APP: variants seen among roughly 807,000 people sequenced by gnomAD.
APP encodes the protein amyloid-beta precursor protein.
In APP, 31 loss-of-function variants were observed where a neutral mutation model predicts 101.4. That is an observed-to-expected ratio of 0.31 (90% CI 0.23 to 0.41). The LOEUF (loss-of-function observed/expected upper bound fraction) is 0.41, where lower values mean the gene tolerates loss of function less well. Among genes scored for constraint, APP ranks in the 10% least tolerant of loss-of-function variants. APP has a pLI of 1.00. For missense variants in APP, 839 were observed against 1,003.7 expected (o/e 0.84, Z 2.22); for synonymous variants, 366 against 364.4 (o/e 1.00, Z -0.05).
intron 11 of APP, among the ~76,000 whole-genome samples, chr21:25,964,602 TTTTC>T (rs1235305024): frequency 1.4e-5 from 2 of 143,684 alleles, no homozygotes; most frequent in African/African-American, 5.1e-5. Context: ...ACCTTTTTTC[TTTTC>T]TTTTTTTTTT....
chr21:25,918,055 G>C (rs1282995790), intron 13 of APP, among the ~76,000 whole-genome samples: 2 of 152,328 alleles, frequency 1.3e-5, no homozygotes, highest in Non-Finnish European at 2.9e-5. Flanking sequence ...AGGATGCGGA[G>C]AAATAGGCAC....
intron 1 of APP, among the ~76,000 whole-genome samples, chr21:26,115,063 G>A (rs1352293930): frequency 6.6e-6 from 1 of 152,136 alleles, no homozygotes. Flanking sequence ...TTCAGTTCCT[G>A]TCAGGTTTTC....
At chr21:26,134,582 C>G (rs2062857938) in intron 1 of APP, among the ~76,000 whole-genome samples, 1 of 152,344 alleles carries the variant, frequency 6.6e-6, no homozygotes, top group Non-Finnish European at 1.5e-5. Flanking sequence ...ACATCCAACC[C>G]TCCAGGAACC....
intron 12 of APP, among the ~76,000 whole-genome samples, chr21:25,955,220 G>A (rs113985133): frequency 2.0e-5 from 3 of 152,030 alleles, no homozygotes; most frequent in Admixed American, 6.6e-5. Flanking sequence ...TTTGGGAACC[G>A]GGGAGTATAA....
At chr21:26,018,003 G>A (rs536498362) in intron 6 of APP, among the ~76,000 whole-genome samples, 71 of 152,198 alleles carry the variant, frequency 4.7e-4, no homozygotes, top group African/African-American at 1.5e-3. Flanking sequence ...GGAGTGCAGC[G>A]GATGTGCTTA....
At chr21:25,999,152 C>T (rs533127116) in intron 7 of APP, among the ~76,000 whole-genome samples, 12 of 152,058 alleles carry the variant, frequency 7.9e-5, no homozygotes, top group East Asian at 1.9e-4. Context: ...ATTAGCCGGG[C>T]GCAGTGGCAT....
At chr21:25,905,815 C>A (rs909773389) in intron 14 of APP, among the ~76,000 whole-genome samples, 1 of 152,216 alleles carries the variant, frequency 6.6e-6, no homozygotes, top group Non-Finnish European at 1.5e-5. Flanking sequence ...ATATTCCTCA[C>A]CATCATCTGA....
In APP at chr21:25,881,495, G is replaced by A. The variant is rs1011605214; in HGVS notation, c.*175C>T. 2.7e-5 allele frequency: 19 copies of A among 709,744 alleles called. No individual in the cohort carries two copies. The highest frequency in any genetic ancestry group is 4.0e-5 in the Non-Finnish European group (16 of 401,356). 44.0% of individuals were successfully genotyped at this position (709,744 alleles called of 1,614,324 possible). The stretch of plus-strand genomic sequence containing the variant: ...GAGAGATAGAATACATTACTGATGT[G>A]TGGATTAATTCAAGTTCAGGCATCT... On this transcript the variant is annotated 3_prime_UTR_variant, in exon 18 of 18. Transcript: ENST00000346798.
chr21:26,112,952 C>T (rs2062361139), intron 1 of APP, among the ~76,000 whole-genome samples: 1 of 152,136 alleles, frequency 6.6e-6, no homozygotes. Context: ...TCTGTATTTT[C>T]AAACTCTTCT....
At chr21:26,049,015 G>A (rs2045725572) in intron 5 of APP, among the ~76,000 whole-genome samples, 1 of 152,214 alleles carries the variant, frequency 6.6e-6, no homozygotes, top group Non-Finnish European at 1.5e-5. Context: ...CTGAAGCCAT[G>A]TAAGAGACTT....
At chr21:26,133,204 C>T (rs1216085159) in intron 1 of APP, among the ~76,000 whole-genome samples, 1 of 152,204 alleles carries the variant, frequency 6.6e-6, no homozygotes. Context: ...TGCCACTGCA[C>T]TCCAGCAGAG....
At position 25,881,553 on chromosome 21, in the gene APP, TA is replaced by T. The variant is rs2036983609; in HGVS notation, c.*116del. On this transcript the variant is annotated 3_prime_UTR_variant, in exon 18 of 18. Transcript: ENST00000346798. ...TTACAGCACAGCTGTCAAAAGGCGA[TA>T]ATGAGTAAATCATAAAACGGGTTTG... The T allele has an allele frequency of 8.5e-7, 1 of 1,179,760 alleles. No individual in the cohort carries two copies. 73.1% of individuals were successfully genotyped at this position (1,179,760 alleles called of 1,614,324 possible).
rs562936606 is a variant in APP, at chr21:26,139,874, G to A, written c.58-27728C>T. On this transcript the variant is annotated intron_variant, in intron 1 of 17. Transcript: ENST00000346798. ...CAGCCTGGCAACAGAGCGAGACTCCGTCTCAAAACAAACAAACAAACAAAC... is the reference window on the plus strand; with the variant it reads ...CAGCCTGGCAACAGAGCGAGACTCCATCTCAAAACAAACAAACAAACAAAC... Among the ~76,000 whole-genome samples the A allele has an allele frequency of 5.3e-5, 7 of 132,442 alleles. No individual in the cohort carries two copies. In the South Asian group the frequency reaches 8.0e-4, roughly 15 times the overall value. The allele number at this position is 132,442 out of a possible 152,430, so 86.9% of individuals were successfully genotyped here.
At chr21:26,165,158 T>C (rs543940278) in intron 1 of APP, among the ~76,000 whole-genome samples, 1 of 152,352 alleles carries the variant, frequency 6.6e-6, no homozygotes, top group Admixed American at 6.5e-5. Flanking sequence ...ATAGTCTTAA[T>C]TGGCCAATAA....
chr21:26,166,477 C>T (rs2063612875), intron 1 of APP, among the ~76,000 whole-genome samples: 1 of 152,172 alleles, frequency 6.6e-6, no homozygotes, highest in Non-Finnish European at 1.5e-5. Flanking sequence ...CTGTTTTCTT[C>T]AGCCCTTTTC....
intron 3 of APP, 117 bp downstream of exon 3, chr21:26,089,826 A>G: frequency 6.7e-7 from 1 of 1,486,738 alleles, no homozygotes; most frequent in Admixed American, 1.7e-5. Context: ...AGTACAACAC[A>G]GAGTGGCAAT....
intron 1 of APP, among the ~76,000 whole-genome samples, chr21:26,164,748 C>A (rs1365816032): frequency 6.6e-6 from 1 of 151,498 alleles, no homozygotes; most frequent in African/African-American, 2.4e-5. Flanking sequence ...CCCAGCTACT[C>A]AGGAGGCTGA....
chr21:25,941,915 T>TATCTC (rs1160051289), intron 13 of APP: 1 of 152,234 alleles, frequency 6.6e-6, no homozygotes, highest in Non-Finnish European at 1.5e-5. Flanking sequence ...TGAGAATTAT[T>TATCTC]ATCTCATGCT....
chr21:26,004,843 C>T (rs547192328), intron 6 of APP, among the ~76,000 whole-genome samples: 139 of 148,500 alleles, frequency 9.4e-4, no homozygotes, highest in African/African-American at 3.2e-3. Context: ...TGATGTTCCC[C>T]GCCCTGTGTC....
Sources: allele counts gnomAD v4.1 joint callset (sites outside exome capture counted in the v4.1 genomes callset), GRCh38; gene constraint gnomAD v4.1.1; transcripts MANE v1.5; gene names NCBI Gene and HGNC (gene_info 2026-07-23, HGNC 2026-07-21).